PRKCH: variants seen among roughly 807,000 people sequenced by gnomAD.
PRKCH encodes protein kinase C eta type.
Under a neutral mutation model 82.5 loss-of-function variants are expected in PRKCH, and 28 were observed. That is an observed-to-expected ratio of 0.34 (90% CI 0.25 to 0.47). The LOEUF is 0.47. Ranked by LOEUF, PRKCH falls within the 20% of genes least tolerant of loss-of-function variation. PRKCH has a pLI of 1.00. For missense variants in PRKCH, 705 were observed against 881.8 expected (o/e 0.80, Z 2.54); for synonymous variants, 322 against 327.4 (o/e 0.98, Z 0.18).
At chr14:61,348,691 G>T (rs2046029947) in intron 1 of PRKCH, among the ~76,000 whole-genome samples, 1 of 152,228 alleles carries the variant, frequency 6.6e-6, no homozygotes, top group Non-Finnish European at 1.5e-5. Flanking sequence ...ACTATGGGTA[G>T]CCATTTGTTA....
intron 1 of PRKCH, among the ~76,000 whole-genome samples, chr14:61,220,342 AG>A (rs1355130386): frequency 2.6e-5 from 4 of 152,224 alleles, no homozygotes; most frequent in African/African-American, 9.6e-5. Context: ...ACAAAATGGG[AG>A]GAAAAAACAA....
rs1594888164 is a variant in PRKCH, at chr14:61,280,144, A to G, written c.-19+92476A>G. The G allele has an allele frequency of 6.2e-7, 1 of 1,614,024 alleles. No homozygotes were observed. The highest frequency in any genetic ancestry group is 8.5e-7 in the Non-Finnish European group (1 of 1,179,950). ...CTGGTAGCGAATGTAGACGACCAGC[A>G]TGACAAAGCCGGTGAGGATGCAGAG... On this transcript the variant is annotated intron_variant, in intron 1 of 3. Transcript: ENST00000555185. The surrounding 1 kb of genome is among the most constrained non-coding windows in gnomAD (Gnocchi z 5.0).
intron 10 of PRKCH, among the ~76,000 whole-genome samples, chr14:61,495,583 G>A (rs1293491459): frequency 2.0e-5 from 3 of 152,202 alleles, no homozygotes; most frequent in African/African-American, 7.2e-5. Context: ...TCTACCCAAT[G>A]CAAACCTTTG....
intron 2 of PRKCH, among the ~76,000 whole-genome samples, chr14:61,415,530 G>C (rs141647124): frequency 2.7e-4 from 41 of 152,300 alleles, no homozygotes; most frequent in African/African-American, 9.4e-4. Context: ...ACTGTCATTT[G>C]GGGATTTTAC....
chr14:61,234,409 T>G (rs1031772594), intron 1 of PRKCH, among the ~76,000 whole-genome samples: 2 of 152,094 alleles, frequency 1.3e-5, no homozygotes, highest in Non-Finnish European at 2.9e-5. Context: ...AATTGCATAG[T>G]CATCCCGGCA....
chr14:61,293,758 T>C (rs1226028888), intron 1 of PRKCH, among the ~76,000 whole-genome samples: 1 of 152,220 alleles, frequency 6.6e-6, no homozygotes, highest in Non-Finnish European at 1.5e-5. Context: ...GGTCAGCCTC[T>C]GCTTGCAAAC....
intron 12 of PRKCH, chr14:61,544,302 A>C (rs950807438): frequency 2.0e-5 from 3 of 152,170 alleles, no homozygotes; most frequent in Non-Finnish European, 4.4e-5. Flanking sequence ...GTGCAGGCCC[A>C]GTGTTCCCGA....
At chr14:61,412,110 ATCAC>A (rs1882297877) in intron 2 of PRKCH, among the ~76,000 whole-genome samples, 1 of 152,214 alleles carries the variant, frequency 6.6e-6, no homozygotes, top group African/African-American at 2.4e-5. Context: ...ATACAAAACT[ATCAC>A]TCAATAGGCA....
chr14:61,419,504 C>T (rs1483238908), intron 2 of PRKCH, among the ~76,000 whole-genome samples: 1 of 152,206 alleles, frequency 6.6e-6, no homozygotes, highest in East Asian at 1.9e-4. Context: ...GTTGTGACAA[C>T]AAAAATGTCT....
chr14:61,242,641 C>G (rs1486924641), intron 1 of PRKCH, among the ~76,000 whole-genome samples: 1 of 151,942 alleles, frequency 6.6e-6, no homozygotes, highest in Non-Finnish European at 1.5e-5. Context: ...CAGGTGATCC[C>G]CCCTCCTCGG....
At chr14:61,381,441 A>G (rs1301925433) in intron 1 of PRKCH, among the ~76,000 whole-genome samples, 2 of 152,228 alleles carry the variant, frequency 1.3e-5, no homozygotes, top group African/African-American at 4.8e-5. Flanking sequence ...AACACATAAC[A>G]CCTAGTGTCA....
At chr14:61,407,914 A>G (rs1337835587) in intron 2 of PRKCH, among the ~76,000 whole-genome samples, 3 of 152,152 alleles carry the variant, frequency 2.0e-5, no homozygotes, top group Non-Finnish European at 2.9e-5. Flanking sequence ...AGGTTTTCCA[A>G]CTTGAGCTCT....
At chr14:61,484,291 CTT>C (rs71449556) in intron 9 of PRKCH, among the ~76,000 whole-genome samples, 119 of 86,402 alleles carry the variant, frequency 1.4e-3, no homozygotes, top group African/African-American at 5.1e-3. Flanking sequence ...GCTTGTGTCA[CTT>C]TTTTTTTTTT....
At chr14:61,242,224 C>T (rs554330094) in intron 1 of PRKCH, among the ~76,000 whole-genome samples, 1 of 152,304 alleles carries the variant, frequency 6.6e-6, no homozygotes, top group African/African-American at 2.4e-5. Context: ...TTTTAATCCA[C>T]ACCTCCCATG....
intron 1 of PRKCH, among the ~76,000 whole-genome samples, chr14:61,258,289 T>C (rs2045017069): frequency 6.6e-6 from 1 of 152,180 alleles, no homozygotes; most frequent in Admixed American, 6.5e-5. Flanking sequence ...ATTAAACATT[T>C]TATTAAGGGG....
chr14:61,426,261 C>T (rs1883103354), intron 2 of PRKCH, among the ~76,000 whole-genome samples: 1 of 152,200 alleles, frequency 6.6e-6, no homozygotes, highest in Non-Finnish European at 1.5e-5. Flanking sequence ...GCTGCTTGTT[C>T]CTTCTACCCA....
chr14:61,338,328 G>A (rs1244873358), intron 1 of PRKCH, among the ~76,000 whole-genome samples: 1 of 152,144 alleles, frequency 6.6e-6, no homozygotes, highest in Admixed American at 6.5e-5. Context: ...AAAGGTTTTC[G>A]CTTGAAAAAT....
At chr14:61,324,351 G>A (rs2045668098) in intron 1 of PRKCH, among the ~76,000 whole-genome samples, 1 of 152,196 alleles carries the variant, frequency 6.6e-6, no homozygotes, top group Non-Finnish European at 1.5e-5. Context: ...CACTGGTGGT[G>A]TTTTGGAAAA....
chr14:61,440,234 G>A (rs1883891874), intron 2 of PRKCH, among the ~76,000 whole-genome samples: 1 of 152,216 alleles, frequency 6.6e-6, no homozygotes, highest in South Asian at 2.1e-4. Context: ...AGTATCATGA[G>A]TGGAAGAGGG....
Sources: gnomAD v4.1 joint callset for allele counts (sites outside exome capture counted in the v4.1 genomes callset) on GRCh38, gnomAD v4.1.1 for gene constraint, Gnocchi (gnomAD v3.1) non-coding constraint, MANE v1.5 for transcripts, NCBI Gene and HGNC (gene_info 2026-07-23, HGNC 2026-07-21) for gene names.